The following AGBL1 variants were observed in gnomAD, a reference collection of about 807,000 sequenced individuals.
AGBL1 encodes the protein AGBL carboxypeptidase 1.
A neutral mutation model predicts 118.9 loss-of-function variants in AGBL1; 130 were observed. That is an observed-to-expected ratio of 1.09 (90% CI 0.95 to 1.26). The LOEUF (loss-of-function observed/expected upper bound fraction) is 1.26, where lower values mean the gene tolerates loss of function less well. AGBL1 is among the 50% of genes most tolerant of loss of function. The probability of loss-of-function intolerance (pLI) is 0.00; values close to 1 mark genes in which losing one functional copy is unlikely to be tolerated. For missense variants in AGBL1, 1,584 were observed against 1,298.1 expected, an observed-to-expected ratio of 1.22 and a Z score of -3.38; for synonymous variants, 555 against 478.9, an observed-to-expected ratio of 1.16 and a Z score of -2.08.
At chr15:86,230,177 G>A (rs757691547) in intron 6 of AGBL1, among the ~76,000 whole-genome samples, 1 of 152,198 alleles carries the variant, frequency 6.6e-6, no homozygotes, top group Non-Finnish European at 1.5e-5. Flanking sequence ...GGCTAGGAAG[G>A]GAGGGCATTC....
Position 86,614,113 on chromosome 15 carries a change from G to T in AGBL1, c.2994+59576G>T, listed in dbSNP as rs2437796. On this transcript the variant is annotated intron_variant, in intron 21 of 22. Transcript: ENST00000614907. ...CTCTGGATAATAGAAGATTCTATCT[G>T]TTTTAACTGTAAGCATCTATTACAC... 2.6e-5 allele frequency among the ~76,000 whole-genome samples: 4 copies of T among 152,068 alleles called. No homozygotes were observed. In the East Asian group the frequency reaches 7.7e-4, roughly 29 times the overall value.
intron 21 of AGBL1, among the ~76,000 whole-genome samples, chr15:86,647,248 G>A (rs1450632707): frequency 6.6e-6 from 1 of 151,752 alleles, no homozygotes; most frequent in African/African-American, 2.4e-5. Flanking sequence ...AAGTAGAAAT[G>A]GACAATAAAA....
chr15:86,489,302 C>T (rs1003725367), intron 18 of AGBL1, among the ~76,000 whole-genome samples: 6 of 152,052 alleles, frequency 3.9e-5, no homozygotes, highest in African/African-American at 1.4e-4. Context: ...AGGCAATGAA[C>T]AGTGTGAATG....
chr15:86,166,482 G>A (rs777354424), intron 5 of AGBL1, among the ~76,000 whole-genome samples: 5 of 152,192 alleles, frequency 3.3e-5, no homozygotes, highest in Non-Finnish European at 5.9e-5. Flanking sequence ...CCTACACTTT[G>A]GAGAGTCTTC....
chr15:86,826,418 ACACG>A, intron 22 of AGBL1, among the ~76,000 whole-genome samples: 1 of 152,138 alleles, frequency 6.6e-6, no homozygotes, highest in South Asian at 2.1e-4. Context: ...TTGATTTATT[ACACG>A]ACATCTAAAA....
At chr15:86,248,640 G>A (rs906997874) in intron 7 of AGBL1, among the ~76,000 whole-genome samples, 9 of 152,170 alleles carry the variant, frequency 5.9e-5, no homozygotes, top group East Asian at 1.9e-4. Flanking sequence ...ACTGAACTGC[G>A]TTGTGAGGAT....
At chr15:86,092,842 A>G (rs958701690) in intron 1 of AGBL1, among the ~76,000 whole-genome samples, 2 of 152,140 alleles carry the variant, frequency 1.3e-5, no homozygotes, top group Non-Finnish European at 2.9e-5. Flanking sequence ...CACTCCCGAG[A>G]TAATAAACCT....
intron 21 of AGBL1, among the ~76,000 whole-genome samples, chr15:86,670,982 T>C (rs1035768547): frequency 6.6e-6 from 1 of 152,106 alleles, no homozygotes; most frequent in Non-Finnish European, 1.5e-5. Context: ...ACCTATATTT[T>C]CTAGCAGCAT....
chr15:86,145,737 C>T (rs1216929074), intron 3 of AGBL1, among the ~76,000 whole-genome samples: 1 of 152,202 alleles, frequency 6.6e-6, no homozygotes, highest in African/African-American at 2.4e-5. Context: ...CTGCATGTCT[C>T]CTAGGGCCAG....
intron 22 of AGBL1, among the ~76,000 whole-genome samples, chr15:86,788,337 T>A (rs2141324096): frequency 6.6e-6 from 1 of 152,352 alleles, no homozygotes; most frequent in South Asian, 2.1e-4. Context: ...CCAGGCTGTG[T>A]ACCAAGTTGC....
chr15:86,425,218 G>T (rs967080655), intron 18 of AGBL1, among the ~76,000 whole-genome samples: 1 of 152,126 alleles, frequency 6.6e-6, no homozygotes, highest in African/African-American at 2.4e-5. Context: ...CCATAAAAAA[G>T]CATGAGTTCA....
At chr15:86,344,915 A>G (rs990253834) in intron 17 of AGBL1, among the ~76,000 whole-genome samples, 2 of 152,078 alleles carry the variant, frequency 1.3e-5, no homozygotes, top group African/African-American at 2.4e-5. Context: ...CTTTGTTTGT[A>G]CTTGACTCCT....
At chr15:86,452,815 A>G (rs2082212823) in intron 18 of AGBL1, among the ~76,000 whole-genome samples, 1 of 152,020 alleles carries the variant, frequency 6.6e-6, no homozygotes, top group Non-Finnish European at 1.5e-5. Flanking sequence ...TCTTTCTGTG[A>G]CACTGCAGTG....
chr15:86,187,331 G>A (rs577834325), intron 5 of AGBL1, among the ~76,000 whole-genome samples: 40 of 152,234 alleles, frequency 2.6e-4, no homozygotes, highest in African/African-American at 7.5e-4. Flanking sequence ...GATAAGAGCC[G>A]CCTTGTTGGA....
At chr15:86,492,793 T>G (rs12905200) in intron 18 of AGBL1, among the ~76,000 whole-genome samples, 68,498 of 151,826 alleles carry the variant, frequency 0.45, 16,223 homozygotes, top group East Asian at 0.68. Context: ...TTCAAGGTCA[T>G]AGGAGGTAGA....
At chr15:86,722,819 C>A (rs1402425841) in intron 22 of AGBL1, among the ~76,000 whole-genome samples, 1 of 151,942 alleles carries the variant, frequency 6.6e-6, no homozygotes, top group Non-Finnish European at 1.5e-5. Context: ...AAGAAACAAA[C>A]AACCCCATCA....
At chr15:86,657,119 C>A (rs1417001409) in intron 21 of AGBL1, among the ~76,000 whole-genome samples, 6 of 152,134 alleles carry the variant, frequency 3.9e-5, no homozygotes, top group Non-Finnish European at 8.8e-5. Flanking sequence ...AGTGTGATTT[C>A]TTTTGCTAAT....
chr15:86,124,844 C>G (rs187922219), intron 1 of AGBL1, among the ~76,000 whole-genome samples: 2 of 152,226 alleles, frequency 1.3e-5, no homozygotes, highest in African/African-American at 4.8e-5. Flanking sequence ...TGTATACAGT[C>G]GCTCGCAACA....
At chr15:86,895,086 A>T (rs865808148) in intron 22 of AGBL1, among the ~76,000 whole-genome samples, 3 of 147,092 alleles carry the variant, frequency 2.0e-5, no homozygotes, top group Middle Eastern at 6.9e-3. Flanking sequence ...CCTTTCTTTT[A>T]TCTTCCCTCC....
Sources: gnomAD v4.1 joint callset for allele counts (sites outside exome capture counted in the v4.1 genomes callset) on GRCh38, gnomAD v4.1.1 for gene constraint, MANE v1.5 for transcripts, NCBI Gene and HGNC (gene_info 2026-07-23, HGNC 2026-07-21) for gene names.